MARCO: variants seen among roughly 807,000 people sequenced by gnomAD.
MARCO encodes the protein macrophage receptor MARCO.
Under a neutral mutation model 70.0 loss-of-function variants are expected in MARCO, and 72 were observed. That is an observed-to-expected ratio of 1.03 (90% CI 0.85 to 1.25). The LOEUF is 1.25. Ranked by LOEUF, MARCO falls within the 50% of genes most tolerant of loss-of-function variation. The pLI, the probability that MARCO is intolerant of heterozygous loss-of-function variation, is 0.00. For missense variants in MARCO, 696 were observed against 659.3 expected (o/e 1.06, Z -0.61); for synonymous variants, 273 against 243.1 (o/e 1.12, Z -1.14).
chr2:118,993,105 T>A lies in MARCO; in HGVS notation c.1253-19T>A. ...CAAGGGGCCTTCCTTGCCTCTCCCA[T>A]GTGTGTTTCTTCACCCAGGTGAAAA... On this transcript the variant is annotated intron_variant, in intron 15 of 16. Coordinates refer to ENST00000327097, the MANE Select transcript of MARCO (RefSeq NM_006770.4). The A allele has an allele frequency of 6.2e-7, 1 of 1,613,242 alleles. No individual in the cohort carries two copies. Among genetic ancestry groups the A allele is most frequent in the African/African-American group, 1.3e-5 (1 of 75,064 alleles).
chr2:118,942,332 A>T lies in MARCO; in HGVS notation c.32A>T (p.Glu11Val), dbSNP rs1430461126. ...AATAAGAAAATTCTCAAGGAGGACG[A>T]GCTCTTGAGTGAGACCCAACAAGCT... is the stretch of plus-strand genomic sequence containing the variant. Reference protein sequence around the residue: MRNKKILKEDELLSETQQAAF... With the variant: MRNKKILKEDVLLSETQQAAF... The change falls in exon 1 of 17, where the codon GAG (glutamate) becomes GTG (valine). Residue 11 changes from glutamate to valine, a missense_variant. Physicochemically the swap from Glu to Val is moderately radical, Grantham distance 121. This residue lies in a region of MARCO where 605 missense variants were observed against 537.6 expected (regional missense o/e 1.13). Coordinates refer to ENST00000327097, the MANE Select transcript of MARCO (RefSeq NM_006770.4). The T allele has an allele frequency of 6.2e-7, 1 of 1,613,792 alleles. No individual in the cohort carries two copies. Among genetic ancestry groups the T allele is most frequent in the Non-Finnish European group, 8.5e-7 (1 of 1,179,744 alleles).
chr2:118,989,359 C>G (rs1270002922), intron 12 of MARCO, among the ~76,000 whole-genome samples: 1 of 152,162 alleles, frequency 6.6e-6, no homozygotes, highest in Non-Finnish European at 1.5e-5. Flanking sequence ...TGTCCCTTTC[C>G]CTAACACGAG....
intron 12 of MARCO, among the ~76,000 whole-genome samples, chr2:118,985,615 G>GCCTCCATCAA (rs1680470749): frequency 6.6e-6 from 1 of 152,118 alleles, no homozygotes; most frequent in Admixed American, 6.5e-5. Context: ...CCATCACTTA[G>GCCTCCATCAA]TATTTCTAAC....
chr2:118,972,782 A>G (rs1680197170), intron 4 of MARCO, among the ~76,000 whole-genome samples: 1 of 152,178 alleles, frequency 6.6e-6, no homozygotes, highest in Non-Finnish European at 1.5e-5. Context: ...TCCTTTAAGG[A>G]GGGGCAGTTT....
chr2:118,994,469 C>T lies in MARCO; in HGVS notation c.1512C>T (p.Gly504=). ...GGAGCTGCACCAAGAATAGCTGGGG[C>T]CATCATGACTGCAGCCACGAGGAGG... ...TLWSCTKNSW[G]HHDCSHEEDA... The change falls in exon 17 of 17, where the codon GGC becomes GGT. Residue 504 remains glycine (G), a synonymous_variant. Transcript: ENST00000327097. 2 of 1,613,122 alleles carry T rather than the reference C, an allele frequency of 1.2e-6. No individual in the cohort carries two copies. The highest frequency in any genetic ancestry group is 1.7e-6 in the Non-Finnish European group (2 of 1,179,500).
At chr2:118,992,366 C>G in intron 14 of MARCO, 66 bp from the exon 15 acceptor site, 1 of 1,375,888 alleles carries the variant, frequency 7.3e-7, no homozygotes, top group Non-Finnish European at 1.0e-6. Flanking sequence ...CCCACTCATG[C>G]AAATGCAGGC....
chr2:118,950,988 A>T (rs1027588906), intron 1 of MARCO, among the ~76,000 whole-genome samples: 4 of 152,240 alleles, frequency 2.6e-5, no homozygotes, highest in Non-Finnish European at 5.9e-5. Context: ...TTTGCTATTA[A>T]TAAGACCTAA....
intron 1 of MARCO, among the ~76,000 whole-genome samples, chr2:118,956,622 C>A (rs112560417): frequency 0.017 from 2,530 of 152,248 alleles, 66 homozygotes; most frequent in African/African-American, 0.056. Flanking sequence ...TGGATTTAAA[C>A]TATACCTTTG....
Position 118,984,147 on chromosome 2 carries a change from C to T in MARCO, c.1063+1737C>T, listed in dbSNP as rs185813980. Among the ~76,000 whole-genome samples, 309 of 152,302 alleles carry T rather than the reference C, an allele frequency of 2.0e-3. 1 individual carries two copies. The highest frequency in any genetic ancestry group is 3.3e-3 in the Non-Finnish European group (222 of 68,030). On this transcript the variant is annotated intron_variant, in intron 12 of 16. Transcript: ENST00000327097. ...TTATTAGTACAGTCTATCATGAGTT[C>T]TCCCTCCCCAGCCCCACAATCAGGG... is the stretch of plus-strand genomic sequence containing the variant.
At chr2:118,970,406 C>T in intron 3 of MARCO, 68 bp downstream of exon 3, 1 of 1,281,628 alleles carries the variant, frequency 7.8e-7, no homozygotes, top group Non-Finnish European at 1.1e-6. Flanking sequence ...GATCAGGAAC[C>T]AGGAAATTAA....
chr2:118,984,739 C>T (rs1271354271), intron 12 of MARCO, among the ~76,000 whole-genome samples: 1 of 152,166 alleles, frequency 6.6e-6, no homozygotes, highest in Non-Finnish European at 1.5e-5. Flanking sequence ...GTGGGAGAAG[C>T]AGGGGCAGGC....
intron 1 of MARCO, among the ~76,000 whole-genome samples, chr2:118,957,653 T>C (rs1476745865): frequency 6.6e-6 from 1 of 152,062 alleles, no homozygotes; most frequent in African/African-American, 2.4e-5. Flanking sequence ...CCCTAATTCA[T>C]TCTATGAAGC....
At chr2:118,951,749 T>C (rs926096965) in intron 1 of MARCO, among the ~76,000 whole-genome samples, 2 of 152,232 alleles carry the variant, frequency 1.3e-5, no homozygotes, top group Admixed American at 6.5e-5. Flanking sequence ...GGCTTTTAAA[T>C]GACTAGGGTA....
intron 14 of MARCO, among the ~76,000 whole-genome samples, chr2:118,992,081 A>G (rs1412793314): frequency 6.6e-6 from 1 of 152,158 alleles, no homozygotes; most frequent in Non-Finnish European, 1.5e-5. Context: ...GCGCAGCTCT[A>G]GCATCCAAGG....
chr2:118,966,394 G>A (rs1159415898), intron 1 of MARCO, among the ~76,000 whole-genome samples: 1 of 152,140 alleles, frequency 6.6e-6, no homozygotes, highest in African/African-American at 2.4e-5. Context: ...CAGAATAGGT[G>A]TTTTCTTTAT....
chr2:118,990,205 T>G (rs976603574), intron 12 of MARCO, among the ~76,000 whole-genome samples: 1 of 152,208 alleles, frequency 6.6e-6, no homozygotes, highest in Admixed American at 6.5e-5. Flanking sequence ...CCCTCCACAG[T>G]CTTTTAGCAA....
intron 12 of MARCO, among the ~76,000 whole-genome samples, chr2:118,988,563 G>A (rs985137099): frequency 5.9e-5 from 9 of 151,986 alleles, no homozygotes; most frequent in Non-Finnish European, 1.0e-4. Flanking sequence ...CCTTAAGAGC[G>A]TGTCCCTAGA....
At chr2:118,976,308 T>C (rs533291437) in intron 6 of MARCO, among the ~76,000 whole-genome samples, 1 of 152,262 alleles carries the variant, frequency 6.6e-6, no homozygotes, top group South Asian at 2.1e-4. Context: ...TGTGGTTCCA[T>C]AGAGAGTGTG....
intron 1 of MARCO, among the ~76,000 whole-genome samples, chr2:118,956,877 C>A (rs1286996364): frequency 9.2e-5 from 14 of 152,050 alleles, no homozygotes. Flanking sequence ...AATTAAATAA[C>A]CTGCTACTGA....
Sources: gnomAD v4.1 joint callset for allele counts (sites outside exome capture counted in the v4.1 genomes callset) on GRCh38, gnomAD v4.1.1 for gene constraint, gnomAD v4.1.1 regional missense constraint, MANE v1.5 for transcripts, NCBI Gene and HGNC (gene_info 2026-07-23, HGNC 2026-07-21) for gene names.